COG3: variants seen among roughly 807,000 people sequenced by gnomAD.
The protein encoded by COG3 is component of oligomeric golgi complex 3, also known as conserved oligomeric Golgi complex subunit 3.
Under a neutral mutation model 114.1 loss-of-function variants are expected in COG3, and 32 were observed. The observed-to-expected ratio is 0.28, with a 90% confidence interval of 0.21 to 0.38. The LOEUF (loss-of-function observed/expected upper bound fraction) is 0.38. COG3 is among the 10% of genes least tolerant of loss of function. The pLI is 1.00. For synonymous variants in COG3, 352 were observed against 365.7 expected (o/e 0.96, Z 0.43); for missense variants, 813 against 973.2 (o/e 0.84, Z 2.19).
intron 1 of COG3, among the ~76,000 whole-genome samples, chr13:45,467,160 C>T (rs7326195): frequency 0.64 from 97,009 of 152,044 alleles, 31,682 homozygotes; most frequent in African/African-American, 0.77. Flanking sequence ...AAGCTAGCCT[C>T]ATAAAGACTA....
intron 8 of COG3, among the ~76,000 whole-genome samples, chr13:45,488,664 A>T (rs1008906032): frequency 1.3e-5 from 2 of 152,110 alleles, no homozygotes; most frequent in Admixed American, 1.3e-4. Flanking sequence ...GAGGTTGGGT[A>T]TGTGCCTTAT....
At chr13:45,503,387 T>C in intron 14 of COG3, 38 bp downstream of exon 14, 1 of 1,136,230 alleles carries the variant, frequency 8.8e-7, no homozygotes, top group Non-Finnish European at 1.3e-6. Flanking sequence ...ATTTATTCAT[T>C]TGGGTTAACA....
At chr13:45,479,452 T>C (rs2137796990) in intron 3 of COG3, among the ~76,000 whole-genome samples, 1 of 152,024 alleles carries the variant, frequency 6.6e-6, no homozygotes. Context: ...CTTCTGTCAG[T>C]GGATGCTGAC....
intron 10 of COG3, 22 bp from the exon 11 acceptor site, chr13:45,492,137 G>GGT: frequency 1.4e-6 from 2 of 1,434,920 alleles, no homozygotes; most frequent in Non-Finnish European, 1.9e-6. Context: ...AACTGTAGGT[G>GGT]GTGTGTGTTT....
At chr13:45,511,264 C>T (rs1208659965) in intron 15 of COG3, among the ~76,000 whole-genome samples, 1 of 151,780 alleles carries the variant, frequency 6.6e-6, no homozygotes, top group Non-Finnish European at 1.5e-5. Context: ...TTTTATTTGT[C>T]AGTCCCCTGT....
Position 45,534,901 on chromosome 13 carries a change from T to G in COG3, c.*170T>G. On this transcript the variant is annotated 3_prime_UTR_variant, in exon 23 of 23. Transcript: ENST00000349995. ...GAAATAGAAGCAAAGTGTTACAGGA[T>G]CAGTGTTTTCTTTTCTAAAACATCA... is the stretch of plus-strand genomic sequence containing the variant. The G allele has an allele frequency of 8.0e-7, 1 of 1,257,058 alleles. No homozygotes were observed. Among genetic ancestry groups the G allele is most frequent in the Non-Finnish European group, 1.0e-6 (1 of 1,002,512 alleles). The allele number at this position is 1,257,058 out of a possible 1,614,324, so 77.9% of individuals were successfully genotyped here.
intron 11 of COG3, 34 bp from the exon 12 acceptor site, chr13:45,493,313 A>T (rs759640061): frequency 6.5e-7 from 1 of 1,541,380 alleles, no homozygotes; most frequent in Admixed American, 1.9e-5. Context: ...TGAAAAAACT[A>T]CTACTAATAG....
At chr13:45,503,492 G>C (rs1304398034) in intron 14 of COG3, 143 bp downstream of exon 14, 1 of 585,708 alleles carries the variant, frequency 1.7e-6, no homozygotes, top group Non-Finnish European at 3.1e-6. Flanking sequence ...CCAAGCCACA[G>C]ACAGAATTCA....
intron 20 of COG3, 106 bp downstream of exon 20, chr13:45,525,157 G>A (rs1003974573): frequency 1.1e-4 from 89 of 822,814 alleles, no homozygotes; most frequent in Non-Finnish European, 1.6e-4. Flanking sequence ...TTCACTCTGG[G>A]GTGCTGCAAT....
chr13:45,508,543 A>G (rs779350368), intron 14 of COG3, among the ~76,000 whole-genome samples: 1 of 152,024 alleles, frequency 6.6e-6, no homozygotes, highest in Non-Finnish European at 1.5e-5. Context: ...TTCACCCTTG[A>G]GTATTTCAGC....
chr13:45,481,398 G>A (rs1886240785), intron 5 of COG3, 94 bp downstream of exon 5: 2 of 685,668 alleles, frequency 2.9e-6, no homozygotes, highest in Non-Finnish European at 5.1e-6. Flanking sequence ...ATTGGCTTGA[G>A]TGATATTTTA....
At chr13:45,497,718 G>A (rs933510355) in intron 13 of COG3, among the ~76,000 whole-genome samples, 12 of 151,926 alleles carry the variant, frequency 7.9e-5, no homozygotes, top group African/African-American at 2.9e-4. Flanking sequence ...CCCGGGAGGT[G>A]GAGGTTTCAG....
intron 20 of COG3, among the ~76,000 whole-genome samples, chr13:45,526,115 G>C (rs1305200013): frequency 1.8e-5 from 1 of 54,538 alleles, no homozygotes; most frequent in Non-Finnish European, 3.5e-5. Flanking sequence ...TTGAGATGGA[G>C]TCTTGCTCTG....
chr13:45,534,820 TG>T lies in COG3; in HGVS notation c.*90del. On this transcript the variant is annotated 3_prime_UTR_variant, in exon 23 of 23. Transcript: ENST00000349995. ...GTCTGCAGGACACCGAGGAATCGTATGTGGGAACGTCCCCGAGAACCACACG... is the reference window on the plus strand; with the variant it reads ...GTCTGCAGGACACCGAGGAATCGTATTGGGAACGTCCCCGAGAACCACACG... 7.0e-7 allele frequency: 1 copy of T among 1,426,048 alleles called. No individual in the cohort carries two copies. The highest frequency in any genetic ancestry group is 9.2e-7 in the Non-Finnish European group (1 of 1,089,424). 88.3% of individuals were successfully genotyped at this position (1,426,048 alleles called of 1,614,324 possible).
intron 1 of COG3, among the ~76,000 whole-genome samples, chr13:45,471,964 C>G (rs918209939): frequency 9.2e-5 from 14 of 152,160 alleles, no homozygotes; most frequent in Non-Finnish European, 1.9e-4. Flanking sequence ...GACTCCTGAC[C>G]TCAGGTGATC....
chr13:45,494,319 C>T (rs1050249592), intron 12 of COG3, among the ~76,000 whole-genome samples: 1 of 140,236 alleles, frequency 7.1e-6, no homozygotes, highest in Non-Finnish European at 1.5e-5. Flanking sequence ...CAGCAAGACT[C>T]TGTCTTAAAA....
intron 19 of COG3, among the ~76,000 whole-genome samples, chr13:45,524,461 A>G (rs1322196404): frequency 6.6e-6 from 1 of 152,210 alleles, no homozygotes; most frequent in Admixed American, 6.5e-5. Flanking sequence ...GGTCAGTCAT[A>G]TGTGACTTTT....
intron 12 of COG3, among the ~76,000 whole-genome samples, chr13:45,494,374 G>T (rs1868483027): frequency 1.4e-5 from 2 of 147,894 alleles, no homozygotes; most frequent in Admixed American, 6.8e-5. Context: ...TCTACTCACA[G>T]AATTTATTGT....
intron 5 of COG3, 144 bp downstream of exon 5, chr13:45,481,448 A>G (rs1474923064): frequency 1.7e-6 from 1 of 592,274 alleles, no homozygotes; most frequent in African/African-American, 1.9e-5. Context: ...ATTTGTAGAC[A>G]GTGGAGATAC....
Sources: allele counts gnomAD v4.1 joint callset (sites outside exome capture counted in the v4.1 genomes callset), GRCh38; gene constraint gnomAD v4.1.1; transcripts MANE v1.5; gene names NCBI Gene and HGNC (gene_info 2026-07-23, HGNC 2026-07-21).